Variants in SPATA17 observed in about 807,000 individuals in gnomAD.
SPATA17 encodes spermatogenesis-associated protein 17.
SPATA17 carries 53 observed loss-of-function variants against 62.2 expected under a neutral mutation model. The observed-to-expected ratio is 0.85, with a 90% CI of 0.68 to 1.07. The LOEUF is 1.07. SPATA17 is among the 50% of genes least tolerant of loss of function. The pLI, the probability that SPATA17 is intolerant of heterozygous loss-of-function variation, is 0.00. For missense variants in SPATA17, 466 were observed against 425.5 expected (o/e 1.10, Z -0.84); for synonymous variants, 146 against 146.8 (o/e 0.99, Z 0.04).
At chr1:217,729,126 G>A (rs992403761) in intron 5 of SPATA17, among the ~76,000 whole-genome samples, 2 of 152,128 alleles carry the variant, frequency 1.3e-5, no homozygotes, top group African/African-American at 4.8e-5. Context: ...TTGCCACCAC[G>A]GCCTATTGCC....
At chr1:217,794,182 T>C (rs921574054) in intron 8 of SPATA17, among the ~76,000 whole-genome samples, 22 of 152,156 alleles carry the variant, frequency 1.4e-4, no homozygotes, top group Admixed American at 7.2e-4. Flanking sequence ...GATTTGGCTA[T>C]TGGGGAGTCA....
intron 7 of SPATA17, among the ~76,000 whole-genome samples, chr1:217,778,396 C>A (rs1338578167): frequency 6.6e-6 from 1 of 152,052 alleles, no homozygotes; most frequent in Non-Finnish European, 1.5e-5. Flanking sequence ...TGGCACATGC[C>A]TGTAATCCCA....
At chr1:217,842,160 G>C (rs528017887) in intron 9 of SPATA17, among the ~76,000 whole-genome samples, 1 of 151,926 alleles carries the variant, frequency 6.6e-6, no homozygotes, top group South Asian at 2.1e-4. Flanking sequence ...TTCCTAGAAT[G>C]AACTCTAATC....
At chr1:217,789,315 A>C (rs1673942800) in intron 8 of SPATA17, among the ~76,000 whole-genome samples, 1 of 152,200 alleles carries the variant, frequency 6.6e-6, no homozygotes, top group Admixed American at 6.5e-5. Context: ...AATAGCTATG[A>C]ATCTAATGTG....
intron 6 of SPATA17, among the ~76,000 whole-genome samples, chr1:217,742,524 G>C (rs1383897294): frequency 6.6e-6 from 1 of 152,156 alleles, no homozygotes; most frequent in African/African-American, 2.4e-5. Flanking sequence ...TCTAAATTTT[G>C]ATGGAAGTTT....
chr1:217,703,446 A>G (rs1233432738), intron 5 of SPATA17, among the ~76,000 whole-genome samples: 1 of 152,188 alleles, frequency 6.6e-6, no homozygotes, highest in African/African-American at 2.4e-5. Flanking sequence ...TGCTGGGATT[A>G]CAGGCGTGAT....
At chr1:217,639,262 C>G (rs1670003717) in intron 1 of SPATA17, among the ~76,000 whole-genome samples, 1 of 152,028 alleles carries the variant, frequency 6.6e-6, no homozygotes, top group Admixed American at 6.6e-5. Context: ...TTCTGCTCAA[C>G]ACAGGAACCC....
intron 1 of SPATA17, among the ~76,000 whole-genome samples, chr1:217,641,763 C>T (rs1225915673): frequency 6.6e-6 from 1 of 152,102 alleles, no homozygotes; most frequent in East Asian, 1.9e-4. Context: ...ATTCTTTACA[C>T]ACAAGGACAT....
chr1:217,724,094 A>G (rs1471244327), intron 5 of SPATA17, among the ~76,000 whole-genome samples: 1 of 152,204 alleles, frequency 6.6e-6, no homozygotes, highest in African/African-American at 2.4e-5. Flanking sequence ...ATACATATAA[A>G]TTTCATGTCA....
At chr1:217,828,730 G>C (rs144770392) in intron 9 of SPATA17, among the ~76,000 whole-genome samples, 31 of 151,978 alleles carry the variant, frequency 2.0e-4, no homozygotes, top group Non-Finnish European at 4.0e-4. Flanking sequence ...ATTTTATAAA[G>C]AACATTTACA....
chr1:217,814,658 G>A (rs905530998), intron 9 of SPATA17, among the ~76,000 whole-genome samples: 1 of 151,916 alleles, frequency 6.6e-6, no homozygotes, highest in Non-Finnish European at 1.5e-5. Context: ...GACCAGCCTG[G>A]GCAACATAGA....
intron 4 of SPATA17, among the ~76,000 whole-genome samples, chr1:217,677,794 C>T (rs1036694704): frequency 4.6e-5 from 7 of 151,614 alleles, no homozygotes; most frequent in African/African-American, 1.7e-4. Context: ...AGTGGGGAAA[C>T]AGAATATTAA....
chr1:217,821,400 A>G (rs1406584857), intron 9 of SPATA17, among the ~76,000 whole-genome samples: 1 of 152,090 alleles, frequency 6.6e-6, no homozygotes, highest in Non-Finnish European at 1.5e-5. Context: ...CAAAAAAGTC[A>G]AGGAAAGATA....
intron 4 of SPATA17, among the ~76,000 whole-genome samples, chr1:217,671,651 C>A (rs558054207): frequency 1.3e-5 from 2 of 152,218 alleles, no homozygotes; most frequent in East Asian, 3.9e-4. Context: ...CTATCCTCCT[C>A]CTTATTGCCT....
intron 9 of SPATA17, among the ~76,000 whole-genome samples, chr1:217,855,870 G>GT (rs1362596798): frequency 6.6e-6 from 1 of 151,542 alleles, no homozygotes; most frequent in African/African-American, 2.4e-5. Context: ...GAGACTACAG[G>GT]TGCGTGCCAC....
rs1417733444 is a variant in SPATA17, at chr1:217,871,454, A to G, written c.*4435A>G. On this transcript the variant is annotated 3_prime_UTR_variant, in exon 11 of 11. Coordinates refer to ENST00000366933, the MANE Select transcript of SPATA17 (RefSeq NM_138796.4). Reference sequence around the variant, plus strand: ...TTTCACTTCCATTTTAAGCTGGCTCAAAGCCTTTTAGGAACAATAAGTTAC... The same window carrying G: ...TTTCACTTCCATTTTAAGCTGGCTCGAAGCCTTTTAGGAACAATAAGTTAC... The G allele has an allele frequency of 6.6e-6, 1 of 152,086 alleles. No homozygotes were observed. The highest frequency in any genetic ancestry group is 2.4e-5 in the African/African-American group (1 of 41,418). The allele number at this position is 152,086 out of a possible 1,614,324, so 9.4% of individuals were successfully genotyped here.
chr1:217,726,105 G>A (rs889320712), intron 5 of SPATA17, among the ~76,000 whole-genome samples: 1 of 152,108 alleles, frequency 6.6e-6, no homozygotes, highest in Non-Finnish European at 1.5e-5. Context: ...TACTCTGCTA[G>A]AAGGCTGGAT....
At chr1:217,757,546 C>G (rs1396528311) in intron 6 of SPATA17, among the ~76,000 whole-genome samples, 2 of 152,158 alleles carry the variant, frequency 1.3e-5, no homozygotes, top group Non-Finnish European at 2.9e-5. Context: ...AAACCCACTC[C>G]TTCTTCCTTG....
intron 6 of SPATA17, among the ~76,000 whole-genome samples, chr1:217,772,979 C>T (rs1028232114): frequency 1.3e-5 from 2 of 151,596 alleles, no homozygotes; most frequent in Non-Finnish European, 1.5e-5. Context: ...TGGGATGGGA[C>T]GTTGCATTTG....
Sources: allele counts gnomAD v4.1 joint callset (sites outside exome capture counted in the v4.1 genomes callset), GRCh38; gene constraint gnomAD v4.1.1; transcripts MANE v1.5; gene names NCBI Gene and HGNC (gene_info 2026-07-23, HGNC 2026-07-21).